HDAC9: variants seen among roughly 807,000 people sequenced by gnomAD.
HDAC9 encodes histone deacetylase 9.
A neutral mutation model predicts 139.4 loss-of-function variants in HDAC9; 41 were observed. The ratio of observed to expected loss-of-function variants is 0.29; its 90% CI spans 0.23 to 0.38. HDAC9 has a LOEUF of 0.38. HDAC9 is among the 10% of genes least tolerant of loss of function. The pLI is 1.00. For missense variants in HDAC9, 1,147 were observed against 1,297.0 expected, an observed-to-expected ratio of 0.88 and a Z score of 1.78; for synonymous variants, 517 against 476.2, an observed-to-expected ratio of 1.09 and a Z score of -1.12.
intron 1 of HDAC9, among the ~76,000 whole-genome samples, chr7:18,337,603 C>T (rs1781677114): frequency 6.6e-6 from 1 of 151,690 alleles, no homozygotes; most frequent in Non-Finnish European, 1.5e-5. Flanking sequence ...CTGACTCCGG[C>T]CAGCCTGATC....
chr7:18,693,090 A>T lies in HDAC9; in HGVS notation c.1731+26614A>T, dbSNP rs1314129763. 3.9e-5 allele frequency among the ~76,000 whole-genome samples: 6 copies of T among 152,116 alleles called. No homozygotes were observed. The South Asian group carries it at 1.0e-3, about 26-fold the overall frequency. On this transcript the variant is annotated intron_variant, in intron 12 of 25. Coordinates refer to ENST00000686413, the MANE Select transcript of HDAC9 (RefSeq NM_178425.4). ...TTATTTTGTATTAATTAAAAATAAA[A>T]TAAAACTTTAAAAAGAAAAAAATTT...
chr7:18,504,641 T>A, intron 2 of HDAC9, among the ~76,000 whole-genome samples: 1 of 89,808 alleles, frequency 1.1e-5, no homozygotes, highest in South Asian at 3.1e-4. Context: ...TGTAAGCATA[T>A]TTTTTTCAAA....
chr7:18,092,687 G>A (rs1196019099), intron 1 of HDAC9, among the ~76,000 whole-genome samples: 1 of 152,140 alleles, frequency 6.6e-6, no homozygotes, highest in East Asian at 1.9e-4. Context: ...AAATGTTTGA[G>A]TTTTTGGCCA....
chr7:18,617,651 G>T (rs1029065879), intron 6 of HDAC9, among the ~76,000 whole-genome samples: 3 of 152,008 alleles, frequency 2.0e-5, no homozygotes, highest in African/African-American at 7.3e-5. Flanking sequence ...ACATATCTCT[G>T]TGCATATATC....
At chr7:18,294,601 G>C (rs1562845361) in intron 1 of HDAC9, among the ~76,000 whole-genome samples, 1 of 152,108 alleles carries the variant, frequency 6.6e-6, no homozygotes, top group East Asian at 1.9e-4. Flanking sequence ...TGGGGAAGTT[G>C]CTTAGAGGTA....
At chr7:18,337,197 GCT>G (rs1267566322) in intron 1 of HDAC9, among the ~76,000 whole-genome samples, 1 of 151,526 alleles carries the variant, frequency 6.6e-6, no homozygotes, top group Non-Finnish European at 1.5e-5. Flanking sequence ...ACTTTCAAAT[GCT>G]CCCCCTTCTT....
chr7:18,375,470 A>AAAC lies in HDAC9; in HGVS notation c.-42+84970_-42+84972dup, dbSNP rs201338898. Among the ~76,000 whole-genome samples the AAAC allele has an allele frequency of 4.1e-5, 6 of 147,724 alleles. No homozygotes were observed. In the South Asian group the frequency reaches 8.5e-4, roughly 21 times the overall value. On this transcript the variant is annotated intron_variant, in intron 1 of 3. Coordinates refer to the HDAC9 transcript ENST00000413509. ...GGCGACGGAGCTAGACTCCATCTCA[A>AAAC]AACAACAACAACAACAAAAAAAAAA...
At chr7:18,893,212 G>A (rs750143825) in intron 22 of HDAC9, among the ~76,000 whole-genome samples, 1 of 152,010 alleles carries the variant, frequency 6.6e-6, no homozygotes. Flanking sequence ...GCTGTAAACC[G>A]TAAGCTACAG....
intron 2 of HDAC9, among the ~76,000 whole-genome samples, chr7:18,216,359 T>C (rs2128172244): frequency 6.6e-6 from 1 of 152,284 alleles, no homozygotes; most frequent in South Asian, 2.1e-4. Flanking sequence ...TAATCTGCCA[T>C]CCCAATATTT....
chr7:18,101,390 T>C (rs1782849108), intron 1 of HDAC9, among the ~76,000 whole-genome samples: 1 of 152,222 alleles, frequency 6.6e-6, no homozygotes, highest in Non-Finnish European at 1.5e-5. Context: ...TCAAGGATTA[T>C]TGCATTGTGT....
chr7:18,104,901 C>G (rs1031956590), intron 1 of HDAC9, among the ~76,000 whole-genome samples: 4 of 151,912 alleles, frequency 2.6e-5, no homozygotes, highest in Non-Finnish European at 5.9e-5. Flanking sequence ...TTTTCCTCCC[C>G]CTTTGTTTTC....
intron 1 of HDAC9, among the ~76,000 whole-genome samples, chr7:18,431,093 G>T (rs904634762): frequency 6.6e-6 from 1 of 151,552 alleles, no homozygotes; most frequent in African/African-American, 2.4e-5. Flanking sequence ...TTCCTACTCA[G>T]CCCATCCCAT....
chr7:18,769,917 G>C (rs1790144735), intron 16 of HDAC9, among the ~76,000 whole-genome samples: 1 of 152,128 alleles, frequency 6.6e-6, no homozygotes, highest in African/African-American at 2.4e-5. Flanking sequence ...GGACCTGTTG[G>C]TTTCCATTCT....
intron 1 of HDAC9, among the ~76,000 whole-genome samples, chr7:18,301,535 A>G (rs1043936060): frequency 6.6e-6 from 1 of 152,180 alleles, no homozygotes. Context: ...ATAGCATAAT[A>G]CTTTCTTTCT....
chr7:18,935,658 C>G (rs955199072), intron 22 of HDAC9, 151 bp from the exon 23 acceptor site: 1 of 683,554 alleles, frequency 1.5e-6, no homozygotes, highest in East Asian at 2.6e-5. Context: ...ATAATAGGAC[C>G]TAATCCATAA....
chr7:18,378,112 A>C (rs1391251289), intron 1 of HDAC9, among the ~76,000 whole-genome samples: 3 of 152,216 alleles, frequency 2.0e-5, no homozygotes, highest in Non-Finnish European at 2.9e-5. Flanking sequence ...AAGAGGCATA[A>C]CTAAATTAGG....
intron 1 of HDAC9, among the ~76,000 whole-genome samples, chr7:18,467,524 T>C (rs1473212523): frequency 6.6e-6 from 1 of 152,216 alleles, no homozygotes; most frequent in East Asian, 1.9e-4. Flanking sequence ...CCCAGGGCTG[T>C]CATAAAATTC....
chr7:18,625,946 CAAAAAAAAAAAA>C lies in HDAC9; in HGVS notation c.665-3387_665-3376del, dbSNP rs11312304. ...TGGGCAACAGAGCGAGACTCCATCT[CAAAAAAAAAAAA>C]AAAAAAAAAAAAAAAAGATATGTAG... On this transcript the variant is annotated intron_variant, in intron 6 of 25. Transcript: ENST00000686413. Among the ~76,000 whole-genome samples the C allele has an allele frequency of 5.3e-3, 325 of 61,008 alleles. 1 individual carries two copies. The highest frequency in any genetic ancestry group is 0.025 in the African/African-American group (302 of 11,866). The allele number at this position is 61,008 out of a possible 152,430, so 40.0% of individuals were successfully genotyped here.
chr7:18,707,004 A>C (rs1454775732), intron 12 of HDAC9, among the ~76,000 whole-genome samples: 1 of 152,216 alleles, frequency 6.6e-6, no homozygotes, highest in African/African-American at 2.4e-5. Context: ...GCAGCAGAGG[A>C]GTGAACAATG....
Sources: allele counts gnomAD v4.1 joint callset (sites outside exome capture counted in the v4.1 genomes callset), GRCh38; gene constraint gnomAD v4.1.1; transcripts MANE v1.5; gene names NCBI Gene and HGNC (gene_info 2026-07-23, HGNC 2026-07-21).